The following USP13 variants were observed in gnomAD, a reference collection of about 807,000 sequenced individuals.
USP13 encodes the protein ubiquitin carboxyl-terminal hydrolase 13.
USP13 carries 68 observed loss-of-function variants against 107.8 expected under a neutral mutation model. The ratio of observed to expected loss-of-function variants is 0.63; its 90% CI spans 0.52 to 0.77. The LOEUF is 0.77. USP13 is among the 30% of genes least tolerant of loss of function. USP13 has a pLI of 0.00. For synonymous variants in USP13, 377 were observed against 389.5 expected, an observed-to-expected ratio of 0.97 and a Z score of 0.38; for missense variants, 945 against 1,093.3, an observed-to-expected ratio of 0.86 and a Z score of 1.91.
intron 19 of USP13, among the ~76,000 whole-genome samples, chr3:179,773,519 G>A (rs1715404321): frequency 6.6e-6 from 1 of 152,188 alleles, no homozygotes; most frequent in African/African-American, 2.4e-5. Context: ...AGACACTTCT[G>A]AATCCAGAGT....
intron 3 of USP13, among the ~76,000 whole-genome samples, chr3:179,690,874 A>C (rs1321572796): frequency 6.6e-6 from 1 of 152,150 alleles, no homozygotes; most frequent in East Asian, 1.9e-4. Flanking sequence ...TTTTTTGCTG[A>C]CTTTCAATAG....
At chr3:179,731,555 G>A (rs1489388018) in intron 10 of USP13, among the ~76,000 whole-genome samples, 1 of 152,168 alleles carries the variant, frequency 6.6e-6, no homozygotes, top group Non-Finnish European at 1.5e-5. Context: ...AAACTCCGTG[G>A]GCCAGTCGTT....
chr3:179,730,447 A>C (rs544064889), intron 9 of USP13, among the ~76,000 whole-genome samples, 169 bp from the exon 10 acceptor site: 1 of 152,360 alleles, frequency 6.6e-6, no homozygotes, highest in Non-Finnish European at 1.5e-5. Context: ...GAAAATTTGA[A>C]ACTGGTATCA....
intron 2 of USP13, among the ~76,000 whole-genome samples, chr3:179,685,631 TAA>T (rs562421751): frequency 1.6e-4 from 17 of 103,418 alleles, no homozygotes; most frequent in Admixed American, 1.9e-4. Flanking sequence ...TTTAGAAAAC[TAA>T]AAAAAAAAAA....
chr3:179,762,818 G>A (rs1345801224), intron 17 of USP13, among the ~76,000 whole-genome samples: 1 of 152,120 alleles, frequency 6.6e-6, no homozygotes, highest in Admixed American at 6.5e-5. Flanking sequence ...CGACCAAACT[G>A]TTTTACACAG....
chr3:179,774,127 T>G (rs1214457988), intron 19 of USP13, among the ~76,000 whole-genome samples: 1 of 152,160 alleles, frequency 6.6e-6, no homozygotes, highest in Non-Finnish European at 1.5e-5. Context: ...AGCAAGCGTG[T>G]CACGTGGCAA....
At chr3:179,702,295 A>G (rs1232059583) in intron 4 of USP13, among the ~76,000 whole-genome samples, 1 of 152,046 alleles carries the variant, frequency 6.6e-6, no homozygotes. Flanking sequence ...CTGGGATTAT[A>G]GGCGTGAGCC....
intron 10 of USP13, among the ~76,000 whole-genome samples, chr3:179,732,087 C>T (rs1713828517): frequency 6.6e-6 from 1 of 152,112 alleles, no homozygotes; most frequent in African/African-American, 2.4e-5. Context: ...AACAGACATT[C>T]TGAATGGCAA....
intron 11 of USP13, among the ~76,000 whole-genome samples, chr3:179,741,511 T>C (rs6793670): frequency 0.76 from 114,326 of 151,250 alleles, 43,350 homozygotes; most frequent in East Asian, 0.93. Flanking sequence ...CCCACTACCA[T>C]GCCTGGCTAA....
intron 3 of USP13, among the ~76,000 whole-genome samples, chr3:179,692,295 T>C (rs914200599): frequency 3.9e-5 from 6 of 152,280 alleles, no homozygotes; most frequent in African/African-American, 1.4e-4. Flanking sequence ...CATGAATTAT[T>C]TGAAAAGTGA....
rs373942034 is a variant in USP13 at position 179,742,284 on chromosome 3, C to T, written c.1468C>T (p.Arg490Cys). ...TCAGTGCTGTCAGACCCGGAAAGTC[C>T]GCTACACGGAGAGGGTGGATTACCT... Reference protein sequence around the residue: ...RIQCCQTRKVRYTERVDYLMQ... With the variant: ...RIQCCQTRKVCYTERVDYLMQ... Residue 490 changes from arginine (R) to cysteine (C), a missense_variant, in exon 12 of 21, where the codon CGC (arginine) becomes TGC (cysteine). Coordinates refer to ENST00000263966, the MANE Select transcript of USP13 (RefSeq NM_003940.3). The surrounding 1 kb of genome is among the most constrained non-coding windows in gnomAD (Gnocchi z 5.0). The T allele has an allele frequency of 8.7e-6, 14 of 1,614,072 alleles. No homozygotes were observed. The highest frequency in any genetic ancestry group is 2.2e-5 in the South Asian group (2 of 91,086).
rs975170873 is a variant in USP13 at position 179,787,225 on chromosome 3, G to A, written c.*3084G>A. ...ATAGCTCGAGCCTCTTGCTCCCTGA[G>A]TCATTTATTCCCTTTACCTGAACAG... On this transcript the variant is annotated 3_prime_UTR_variant, in exon 21 of 21. Transcript: ENST00000263966. 4 of 152,198 alleles carry A rather than the reference G, an allele frequency of 2.6e-5. No individual in the cohort carries two copies. The highest frequency in any genetic ancestry group is 9.7e-5 in the African/African-American group (4 of 41,432). 9.4% of individuals were successfully genotyped at this position (152,198 alleles called of 1,614,324 possible).
intron 10 of USP13, among the ~76,000 whole-genome samples, chr3:179,731,562 C>CA (rs1262121966): frequency 6.6e-6 from 1 of 152,154 alleles, no homozygotes; most frequent in East Asian, 1.9e-4. Context: ...GTGGGCCAGT[C>CA]GTTACTAATT....
intron 5 of USP13, among the ~76,000 whole-genome samples, chr3:179,708,558 T>C (rs1712806277): frequency 6.6e-6 from 1 of 152,088 alleles, no homozygotes; most frequent in African/African-American, 2.4e-5. Context: ...TCAGTTGATG[T>C]GCCCGCCTCG....
chr3:179,766,608 C>T (rs560516612), intron 19 of USP13, among the ~76,000 whole-genome samples: 1 of 152,282 alleles, frequency 6.6e-6, no homozygotes, highest in South Asian at 2.1e-4. Context: ...GTTGTTCTGC[C>T]TTTTAATAGC....
intron 4 of USP13, among the ~76,000 whole-genome samples, chr3:179,706,494 C>A (rs1712723218): frequency 6.6e-6 from 1 of 152,150 alleles, no homozygotes; most frequent in Admixed American, 6.5e-5. Flanking sequence ...ATTCAAGTGC[C>A]CTTGACCACA....
intron 2 of USP13, among the ~76,000 whole-genome samples, chr3:179,685,515 A>G (rs1711837181): frequency 6.6e-6 from 1 of 152,140 alleles, no homozygotes; most frequent in Non-Finnish European, 1.5e-5. Context: ...CAGGTTCAAA[A>G]TAATTTTGAC....
At chr3:179,739,756 G>A (rs757604109) in intron 10 of USP13, among the ~76,000 whole-genome samples, 8 of 151,966 alleles carry the variant, frequency 5.3e-5, no homozygotes, top group Admixed American at 6.5e-5. Context: ...ACAGGGTTTC[G>A]CCATGTTGGC....
intron 10 of USP13, among the ~76,000 whole-genome samples, chr3:179,735,295 C>G (rs920503532): frequency 2.6e-5 from 4 of 152,138 alleles, no homozygotes; most frequent in African/African-American, 9.7e-5. Context: ...CCATAGGGGA[C>G]ACTCAGGTGA....
Sources: allele counts gnomAD v4.1 joint callset (sites outside exome capture counted in the v4.1 genomes callset), GRCh38; gene constraint gnomAD v4.1.1; non-coding constraint Gnocchi (gnomAD v3.1); transcripts MANE v1.5; gene names NCBI Gene and HGNC (gene_info 2026-07-23, HGNC 2026-07-21).